The following TRHDE variants were observed in gnomAD, a reference collection of about 807,000 sequenced individuals.
TRHDE encodes thyrotropin-releasing hormone-degrading ectoenzyme.
TRHDE carries 72 observed loss-of-function variants against 125.7 expected under a neutral mutation model. The ratio of observed to expected loss-of-function variants is 0.57; its 90% confidence interval spans 0.47 to 0.70. The LOEUF (loss-of-function observed/expected upper bound fraction) is 0.70. TRHDE is among the 30% of genes least tolerant of loss of function. The pLI, the probability that TRHDE is intolerant of heterozygous loss-of-function variation, is 0.00. For synonymous variants in TRHDE, 509 were observed against 509.1 expected (o/e 1.00, Z 0.00); for missense variants, 1,110 against 1,327.1 (o/e 0.84, Z 2.54).
chr12:72,182,377 A>G (rs1439570926), intron 2 of TRHDE, among the ~76,000 whole-genome samples: 1 of 152,204 alleles, frequency 6.6e-6, no homozygotes, highest in African/African-American at 2.4e-5. Flanking sequence ...GACTGTTGTT[A>G]GGGAATGAAT....
intron 6 of TRHDE, among the ~76,000 whole-genome samples, chr12:72,516,578 T>C (rs562735009): frequency 2.0e-5 from 3 of 152,330 alleles, no homozygotes; most frequent in East Asian, 3.9e-4. Flanking sequence ...TATACAATCA[T>C]GTTGTCTGCA....
chr12:72,549,533 T>C (rs1592529169), intron 7 of TRHDE, among the ~76,000 whole-genome samples: 1 of 151,862 alleles, frequency 6.6e-6, no homozygotes, highest in East Asian at 1.9e-4. Flanking sequence ...CTGTGCAGTT[T>C]TAGATATGCT....
intron 3 of TRHDE, among the ~76,000 whole-genome samples, chr12:72,465,419 ATAGAT>A (rs1380159113): frequency 6.6e-6 from 1 of 152,166 alleles, no homozygotes. Flanking sequence ...TTCTGACTCT[ATAGAT>A]TAGTTTGCAT....
intron 2 of TRHDE, among the ~76,000 whole-genome samples, chr12:72,342,043 A>T (rs4760831): frequency 0.39 from 59,109 of 150,136 alleles, 12,456 homozygotes; most frequent in Non-Finnish European, 0.48. Flanking sequence ...AAATATGAGT[A>T]AAAAAAAAAG....
At chr12:72,573,682 C>T (rs1164500971) in intron 10 of TRHDE, among the ~76,000 whole-genome samples, 1 of 151,854 alleles carries the variant, frequency 6.6e-6, no homozygotes, top group Non-Finnish European at 1.5e-5. Flanking sequence ...ATATAGTACT[C>T]TAATTCTTTT....
At chr12:72,522,140 A>G (rs1565777062) in intron 6 of TRHDE, among the ~76,000 whole-genome samples, 1 of 152,192 alleles carries the variant, frequency 6.6e-6, no homozygotes, top group African/African-American at 2.4e-5. Flanking sequence ...CTTGCCCAGC[A>G]TTGCAGTTAG....
intron 15 of TRHDE, among the ~76,000 whole-genome samples, chr12:72,652,096 ATAAT>A (rs1253758968): frequency 6.6e-6 from 1 of 152,050 alleles, no homozygotes; most frequent in Non-Finnish European, 1.5e-5. Flanking sequence ...AGTGGAAATA[ATAAT>A]TATGTTCAAA....
chr12:72,575,683 G>A, intron 12 of TRHDE, 141 bp downstream of exon 12: 1 of 797,378 alleles, frequency 1.3e-6, no homozygotes, highest in Non-Finnish European at 2.0e-6. Context: ...CTTTGGATAT[G>A]AGTTCTAATT....
intron 15 of TRHDE, among the ~76,000 whole-genome samples, chr12:72,644,435 G>C (rs1874194827): frequency 1.3e-5 from 2 of 152,182 alleles, no homozygotes; most frequent in Non-Finnish European, 2.9e-5. Flanking sequence ...GCTTGAGCAA[G>C]AGATGCCATA....
chr12:72,506,576 C>T (rs1481831005), intron 6 of TRHDE, among the ~76,000 whole-genome samples: 19 of 152,142 alleles, frequency 1.2e-4, no homozygotes, highest in Admixed American at 6.5e-5. Flanking sequence ...TAAGTGATTG[C>T]CACAGCATCA....
intron 15 of TRHDE, among the ~76,000 whole-genome samples, chr12:72,641,852 T>G (rs541456060): frequency 6.6e-6 from 1 of 152,192 alleles, no homozygotes; most frequent in African/African-American, 2.4e-5. Context: ...CATTCCACAG[T>G]TTTTATGAAT....
chr12:72,178,921 GA>G (rs1328003044), intron 2 of TRHDE, among the ~76,000 whole-genome samples: 1 of 152,062 alleles, frequency 6.6e-6, no homozygotes, highest in African/African-American at 2.4e-5. Context: ...CTTCTCATGA[GA>G]AATTGACTGC....
chr12:72,091,958 C>T (rs1013066616), intron 1 of TRHDE, among the ~76,000 whole-genome samples: 1 of 152,148 alleles, frequency 6.6e-6, no homozygotes, highest in African/African-American at 2.4e-5. Flanking sequence ...TTCTTCTTCC[C>T]CTGGACCCTT....
chr12:72,120,826 G>A (rs1875562731), intron 2 of TRHDE, among the ~76,000 whole-genome samples: 1 of 151,500 alleles, frequency 6.6e-6, no homozygotes, highest in African/African-American at 2.4e-5. Context: ...CTACAGGCGT[G>A]TGCCACCACG....
At chr12:72,161,010 T>A (rs1032526638) in intron 2 of TRHDE, among the ~76,000 whole-genome samples, 1 of 152,216 alleles carries the variant, frequency 6.6e-6, no homozygotes, top group African/African-American at 2.4e-5. Flanking sequence ...AATACAAAAT[T>A]ATTTTTGGTT....
intron 2 of TRHDE, among the ~76,000 whole-genome samples, chr12:72,308,276 C>T (rs1384099313): frequency 6.6e-6 from 1 of 151,824 alleles, no homozygotes; most frequent in Non-Finnish European, 1.5e-5. Flanking sequence ...TGCCTTGACC[C>T]AGTATTTGCA....
At chr12:72,465,531 T>G (rs1346310209) in intron 3 of TRHDE, among the ~76,000 whole-genome samples, 1 of 152,194 alleles carries the variant, frequency 6.6e-6, no homozygotes, top group Non-Finnish European at 1.5e-5. Flanking sequence ...AACCATGTTG[T>G]GGACTGTAAC....
chr12:72,368,602 C>T (rs1033555008), intron 2 of TRHDE, among the ~76,000 whole-genome samples: 2 of 152,098 alleles, frequency 1.3e-5, no homozygotes, highest in Non-Finnish European at 2.9e-5. Context: ...CCCCAGTGGA[C>T]TACAAGCTTC....
intron 2 of TRHDE, among the ~76,000 whole-genome samples, chr12:72,204,643 C>T (rs551151345): frequency 2.0e-5 from 3 of 152,262 alleles, no homozygotes; most frequent in East Asian, 3.9e-4. Flanking sequence ...AATTTCTTCC[C>T]ACTTTTCTAT....
Sources: gnomAD v4.1 joint callset for allele counts (sites outside exome capture counted in the v4.1 genomes callset) on GRCh38, gnomAD v4.1.1 for gene constraint, MANE v1.5 for transcripts, NCBI Gene and HGNC (gene_info 2026-07-23, HGNC 2026-07-21) for gene names.